Variants in WWP2 observed in about 807,000 individuals in gnomAD.
WWP2 encodes the protein WW domain containing E3 ubiquitin protein ligase 2.
WWP2 carries 57 observed loss-of-function variants against 121.0 expected under a neutral mutation model. The observed-to-expected ratio is 0.47, with a 90% CI of 0.38 to 0.59. The LOEUF (loss-of-function observed/expected upper bound fraction) is 0.59. WWP2 is among the 20% of genes least tolerant of loss of function. The pLI, the probability that WWP2 is intolerant of heterozygous loss-of-function variation, is 0.00. For missense variants in WWP2, 962 were observed against 1,158.9 expected (o/e 0.83, Z 2.47); for synonymous variants, 449 against 441.3 (o/e 1.02, Z -0.22).
In WWP2 at chr16:69,850,113, G is replaced by A. The variant is rs1225695982; in HGVS notation, c.575+7993G>A. 3.3e-5 allele frequency among the ~76,000 whole-genome samples: 5 copies of A among 152,216 alleles called. No homozygotes were observed. In the South Asian group the frequency reaches 6.2e-4, roughly 19 times the overall value. ...TTAAAAGATGAAAAGTCGGCCGGGC[G>A]CAGTGGCTCACGCCTGTAATCCCAG... On this transcript the variant is annotated intron_variant, in intron 6 of 23. Transcript: ENST00000359154.
chr16:69,822,171 C>A (rs547360596), intron 4 of WWP2, among the ~76,000 whole-genome samples: 2 of 152,166 alleles, frequency 1.3e-5, no homozygotes, highest in African/African-American at 4.8e-5. Context: ...CTGACCCCTG[C>A]TTTTCTTTCC....
chr16:69,884,062 T>C (rs9935643), intron 7 of WWP2, among the ~76,000 whole-genome samples: 16,438 of 152,244 alleles, frequency 0.11, 1,118 homozygotes, highest in African/African-American at 0.2. Context: ...AGTTTCCTCC[T>C]CCAAGGCCCA....
chr16:69,865,860 T>C (rs2057511352), intron 6 of WWP2, among the ~76,000 whole-genome samples: 1 of 152,184 alleles, frequency 6.6e-6, no homozygotes, highest in South Asian at 2.1e-4. Flanking sequence ...CCATAGTCAG[T>C]GGCCTCTTAT....
intron 4 of WWP2, among the ~76,000 whole-genome samples, chr16:69,806,075 C>T (rs1288969450): frequency 2.0e-5 from 3 of 151,900 alleles, no homozygotes; most frequent in Admixed American, 6.6e-5. Flanking sequence ...ATGGTGTACG[C>T]CTGTAGTCCC....
intron 1 of WWP2, among the ~76,000 whole-genome samples, chr16:69,767,483 G>A (rs1346443499): frequency 6.6e-6 from 1 of 152,208 alleles, no homozygotes; most frequent in Non-Finnish European, 1.5e-5. Flanking sequence ...AAATCAGTGA[G>A]TTGCTTTTGA....
At chr16:69,816,180 A>G (rs1469171323) in intron 4 of WWP2, among the ~76,000 whole-genome samples, 1 of 152,082 alleles carries the variant, frequency 6.6e-6, no homozygotes, top group East Asian at 1.9e-4. Context: ...ATAATACTAG[A>G]TTCTGAGAGT....
intron 8 of WWP2, among the ~76,000 whole-genome samples, chr16:69,894,292 G>A (rs970332256): frequency 2.0e-5 from 3 of 147,996 alleles, no homozygotes; most frequent in Admixed American, 6.8e-5. Context: ...TGTTGCCCAT[G>A]CGGATCTCAA....
chr16:69,839,480 C>T (rs1301025276), intron 4 of WWP2, among the ~76,000 whole-genome samples: 1 of 152,176 alleles, frequency 6.6e-6, no homozygotes, highest in East Asian at 1.9e-4. Context: ...TACAGTCACC[C>T]ACAGGACTGA....
chr16:69,827,797 G>A, intron 4 of WWP2: 1 of 437,922 alleles, frequency 2.3e-6, no homozygotes. Context: ...CCTCCCCTCG[G>A]AGATGAGGAG....
chr16:69,857,967 C>T (rs535749315), intron 6 of WWP2, among the ~76,000 whole-genome samples: 9 of 152,076 alleles, frequency 5.9e-5, no homozygotes, highest in East Asian at 1.9e-4. Flanking sequence ...AACTCTATAA[C>T]GACAAAATGA....
intron 8 of WWP2, among the ~76,000 whole-genome samples, chr16:69,889,219 G>T (rs1366156952): frequency 6.6e-6 from 1 of 152,210 alleles, no homozygotes; most frequent in African/African-American, 2.4e-5. Context: ...GTAGCTACTG[G>T]GGAGGCCAAG....
At position 69,896,945 on chromosome 16, in the gene WWP2, G is replaced by C. The variant is rs148825054; in HGVS notation, c.914+8696G>C. On this transcript the variant is annotated intron_variant, in intron 8 of 23. Coordinates refer to ENST00000359154, the MANE Select transcript of WWP2 (RefSeq NM_001270454.2). ...GTATAACACACATCTACCAAAAGTTGATAATCTTCCAGTATATGCTTTTAA... is the reference window on the plus strand; with the variant it reads ...GTATAACACACATCTACCAAAAGTTCATAATCTTCCAGTATATGCTTTTAA... Among the ~76,000 whole-genome samples the C allele has an allele frequency of 3.3e-5, 5 of 152,142 alleles. No individual in the cohort carries two copies. In the East Asian group the frequency reaches 7.7e-4, roughly 23 times the overall value.
chr16:69,847,851 C>T (rs1350268393), intron 6 of WWP2, among the ~76,000 whole-genome samples: 1 of 152,136 alleles, frequency 6.6e-6, no homozygotes, highest in Non-Finnish European at 1.5e-5. Flanking sequence ...AACTCTGCCA[C>T]ATTGGGAATC....
intron 7 of WWP2, among the ~76,000 whole-genome samples, chr16:69,884,592 C>T (rs1392239081): frequency 6.6e-6 from 1 of 152,166 alleles, no homozygotes; most frequent in Non-Finnish European, 1.5e-5. Flanking sequence ...TGTGCCACTG[C>T]ACTCCAGCCT....
intron 9 of WWP2, among the ~76,000 whole-genome samples, chr16:69,913,076 G>A (rs1377173457): frequency 7.6e-6 from 1 of 132,156 alleles, no homozygotes; most frequent in Non-Finnish European, 1.6e-5. Context: ...CCAGGCTGGA[G>A]TGCAGTGGCG....
At chr16:69,842,976 T>A (rs769007921) in intron 6 of WWP2, among the ~76,000 whole-genome samples, 30 of 152,268 alleles carry the variant, frequency 2.0e-4, no homozygotes, top group Middle Eastern at 3.4e-3. Context: ...ACTTATTTTT[T>A]ATTCTTTTTT....
intron 4 of WWP2, among the ~76,000 whole-genome samples, chr16:69,823,940 T>C (rs1161398735): frequency 2.0e-5 from 3 of 152,228 alleles, no homozygotes; most frequent in Non-Finnish European, 4.4e-5. Context: ...CTGTTTCTCA[T>C]CAGCCGTGTA....
At chr16:69,877,158 A>G (rs966870994) in intron 7 of WWP2, among the ~76,000 whole-genome samples, 8 of 152,212 alleles carry the variant, frequency 5.3e-5, no homozygotes, top group Non-Finnish European at 1.0e-4. Context: ...TTTCGTCAAC[A>G]TTGAAAAGCT....
intron 4 of WWP2, among the ~76,000 whole-genome samples, chr16:69,821,017 T>TTC (rs2056583926): frequency 6.6e-6 from 1 of 152,262 alleles, no homozygotes; most frequent in African/African-American, 2.4e-5. Flanking sequence ...CTGAGCCCAG[T>TTC]TCCAGCCGCC....
Sources: gnomAD v4.1 joint callset for allele counts (sites outside exome capture counted in the v4.1 genomes callset) on GRCh38, gnomAD v4.1.1 for gene constraint, MANE v1.5 for transcripts, NCBI Gene and HGNC (gene_info 2026-07-23, HGNC 2026-07-21) for gene names.